Variants in RGPD3 observed in about 807,000 individuals in gnomAD.
RGPD3 encodes RANBP2 like and GRIP domain containing 3.
Under a neutral mutation model 154.5 loss-of-function variants are expected in RGPD3, and 62 were observed. That is an observed-to-expected ratio of 0.40 (90% CI 0.33 to 0.50). RGPD3 has a LOEUF of 0.50. Ranked by LOEUF, RGPD3 falls within the 20% of genes least tolerant of loss-of-function variation. The probability of loss-of-function intolerance (pLI) is 0.59; values close to 1 mark genes in which losing one functional copy is unlikely to be tolerated. For missense variants in RGPD3, 919 were observed against 1,716.8 expected (o/e 0.54, Z 8.21); for synonymous variants, 308 against 607.0 (o/e 0.51, Z 7.24).
rs773979685 is a variant in RGPD3 at position 106,413,120 on chromosome 2, G to C, written c.5230C>G (p.Leu1744Val). Residue 1744 changes from leucine (L) to valine (V), a missense_variant, in exon 22 of 23, where the codon CTT becomes GTT. By Grantham distance (32) the Leu-to-Val change is conservative. Coordinates refer to ENST00000409886, the MANE Select transcript of RGPD3 (RefSeq NM_001144013.2). Reference protein sequence around the residue: ...PVINTMLQLSLEEKGKLAAVA... With the variant: ...PVINTMLQLSVEEKGKLAAVA... ...GCAGCAAGTTTTCCCTTTTCTTCAA[G>C]GCTGAGCTGCAACATCGTATTTATA... 1 of 1,611,028 alleles carries C rather than the reference G, an allele frequency of 6.2e-7. No individual in the cohort carries two copies. Among genetic ancestry groups the C allele is most frequent in the Non-Finnish European group, 8.5e-7 (1 of 1,179,702 alleles).
chr2:106,408,650 T>G (rs954300785), intron 22 of RGPD3, among the ~76,000 whole-genome samples: 3 of 148,256 alleles, frequency 2.0e-5, no homozygotes, highest in Non-Finnish European at 3.0e-5. Flanking sequence ...CAACATATTC[T>G]AATGTTTCAC....
chr2:106,405,169 C>T lies in RGPD3; in HGVS notation c.*50G>A. The T allele has an allele frequency of 6.2e-7, 1 of 1,607,414 alleles. No individual in the cohort carries two copies. Among genetic ancestry groups the T allele is most frequent in the South Asian group, 1.1e-5 (1 of 89,212 alleles). On this transcript the variant is annotated 3_prime_UTR_variant, in exon 23 of 23. Transcript: ENST00000409886. ...ATTCCTTCCATCAACCTATCGAAGT[C>T]CAAACCAACTACGAAGATAGGATGC...
chr2:106,465,042 A>G (rs1678526801), intron 1 of RGPD3, among the ~76,000 whole-genome samples: 1 of 151,670 alleles, frequency 6.6e-6, no homozygotes, highest in African/African-American at 2.4e-5. Context: ...AGAGGAGACT[A>G]ACAAATGAAA....
Position 106,403,695 on chromosome 2 carries a change from C to G in RGPD3, c.*1524G>C, listed in dbSNP as rs577854038. Among the ~76,000 whole-genome samples the G allele has an allele frequency of 6.6e-6, 1 of 152,270 alleles. No individual in the cohort carries two copies. The highest frequency in any genetic ancestry group is 6.5e-5 in the Admixed American group (1 of 15,288). ...AGTAAAAAAACTAAACTCTTCATGT[C>G]GGCTCTGAAATAGATGCATTTTCAT... On this transcript the variant is annotated 3_prime_UTR_variant, in exon 23 of 23. Transcript: ENST00000409886.
chr2:106,458,921 C>T (rs1293713232), intron 2 of RGPD3, among the ~76,000 whole-genome samples: 28 of 129,238 alleles, frequency 2.2e-4, no homozygotes, highest in African/African-American at 7.3e-4. Flanking sequence ...TTATTCATTG[C>T]TATTTTCCAT....
At chr2:106,437,433 A>C (rs1298681513) in intron 9 of RGPD3, among the ~76,000 whole-genome samples, 1 of 150,772 alleles carries the variant, frequency 6.6e-6, no homozygotes, top group Non-Finnish European at 1.5e-5. Context: ...AATTGCTTGA[A>C]CCTGGCAGGC....
At chr2:106,432,431 C>A (rs1472726822) in intron 17 of RGPD3, among the ~76,000 whole-genome samples, 2 of 145,286 alleles carry the variant, frequency 1.4e-5, no homozygotes, top group African/African-American at 2.5e-5. Flanking sequence ...CCAGCCTGGG[C>A]AACAGAGCGA....
intron 7 of RGPD3, among the ~76,000 whole-genome samples, chr2:106,446,839 G>A (rs1212870727): frequency 1.0e-3 from 157 of 151,896 alleles, no homozygotes; most frequent in Non-Finnish European, 1.8e-3. Context: ...CCGAGATCAC[G>A]CCACTGCACT....
Position 106,468,316 on chromosome 2 carries a change from C to A in RGPD3, c.-28G>T, listed in dbSNP as rs748764073. The A allele has an allele frequency of 6.3e-7, 1 of 1,592,270 alleles. No homozygotes were observed. The highest frequency in any genetic ancestry group is 2.3e-4 in the Middle Eastern group (1 of 4,412). On this transcript the variant is annotated 5_prime_UTR_variant, in exon 1 of 23. Transcript: ENST00000409886. ...CGCCACCAACCTGGCTCCCGAGATG[C>A]GTGAGACCAGCGCTCAGCCCCGCAG... is the stretch of plus-strand genomic sequence containing the variant.
chr2:106,470,030 T>C (rs1444342128), upstream of RGPD3, among the ~76,000 whole-genome samples: 1 of 152,198 alleles, frequency 6.6e-6, no homozygotes. Flanking sequence ...GTTTATTTCA[T>C]TTGTAACCTC....
intron 1 of RGPD3, among the ~76,000 whole-genome samples, chr2:106,467,701 G>A (rs1678671743): frequency 2.8e-5 from 4 of 142,660 alleles, no homozygotes; most frequent in African/African-American, 8.0e-5. Flanking sequence ...CGAGGCAGCC[G>A]CCGGGCCAGG....
intron 20 of RGPD3, among the ~76,000 whole-genome samples, chr2:106,421,813 T>C (rs1343926646): frequency 2.0e-5 from 3 of 151,126 alleles, no homozygotes; most frequent in East Asian, 4.0e-4. Context: ...AGATAAAACA[T>C]AGGTCTTCAT....
intron 2 of RGPD3, among the ~76,000 whole-genome samples, 192 bp downstream of exon 2, chr2:106,459,072 AG>A (rs1678325172): frequency 6.8e-6 from 1 of 147,426 alleles, no homozygotes; most frequent in Non-Finnish European, 1.5e-5. Flanking sequence ...AGCAGCATGC[AG>A]AAAACACTAA....
rs183916857 is a variant in RGPD3, at chr2:106,450,327, C to A, written c.782+1878G>T. Among the ~76,000 whole-genome samples the A allele has an allele frequency of 7.7e-3, 674 of 87,620 alleles. 33 individuals carry two copies. The highest frequency in any genetic ancestry group is 0.023 in the African/African-American group (622 of 26,502). The allele number at this position is 87,620 out of a possible 152,430, so 57.5% of individuals were successfully genotyped here. On this transcript the variant is annotated intron_variant, in intron 6 of 22. Transcript: ENST00000409886. ...ACTGGGAGGTTCACAAGGCAGGTAA[C>A]AAAGGGCCCATGAGTCCTGATTAAC... is the stretch of plus-strand genomic sequence containing the variant.
chr2:106,412,492 T>G (rs1307139635), intron 22 of RGPD3, among the ~76,000 whole-genome samples: 1 of 151,232 alleles, frequency 6.6e-6, no homozygotes, highest in Admixed American at 6.6e-5. Context: ...GTATTTTTAG[T>G]AGAGACGAGA....
At chr2:106,415,406 G>A (rs1475411005) in intron 21 of RGPD3, among the ~76,000 whole-genome samples, 9 of 152,166 alleles carry the variant, frequency 5.9e-5, no homozygotes, top group African/African-American at 7.2e-5. Flanking sequence ...GGCTGGATGC[G>A]GTGGCTCACG....
chr2:106,413,433 C>T, intron 21 of RGPD3, 148 bp from the exon 22 acceptor site: 1 of 1,046,402 alleles, frequency 9.6e-7, no homozygotes, highest in South Asian at 1.5e-5. Context: ...TTAACTACAG[C>T]AGCTGCATGT....
In RGPD3 at chr2:106,424,805, T is replaced by C. The variant is rs1677137943; in HGVS notation, c.3162A>G (p.Glu1054=). 6.2e-7 allele frequency: 1 copy of C among 1,611,896 alleles called. No individual in the cohort carries two copies. The highest frequency in any genetic ancestry group is 1.1e-5 in the South Asian group (1 of 90,974). The change falls in exon 20 of 23, where the codon GAA becomes GAG. Residue 1054 remains glutamate, a synonymous_variant. Coordinates refer to ENST00000409886, the MANE Select transcript of RGPD3 (RefSeq NM_001144013.2). The part of the protein sequence containing the change: ...MPEKVELVTG[E]EGEKVLYSQG... ...GTGAATACAGAACTTTTTCACCTTC[T>C]TCTCCTGTTACAAGTTCTACTTTTT...
At chr2:106,448,656 T>G (rs1678007861) in intron 6 of RGPD3, among the ~76,000 whole-genome samples, 1 of 150,908 alleles carries the variant, frequency 6.6e-6, no homozygotes, top group African/African-American at 2.4e-5. Context: ...ATTTATATAT[T>G]ACATACTCAT....
Sources: gnomAD v4.1 joint callset for allele counts (sites outside exome capture counted in the v4.1 genomes callset) on GRCh38, gnomAD v4.1.1 for gene constraint, MANE v1.5 for transcripts, NCBI Gene and HGNC (gene_info 2026-07-23, HGNC 2026-07-21) for gene names.